Variants in TMEM131 observed in about 807,000 individuals in gnomAD.
The protein encoded by TMEM131 is transmembrane protein 131.
Under a neutral mutation model 211.6 loss-of-function variants are expected in TMEM131, and 66 were observed. The ratio of observed to expected loss-of-function variants is 0.31; its 90% CI spans 0.26 to 0.38. TMEM131 has a LOEUF of 0.38. Among genes scored for constraint, TMEM131 ranks in the 10% least tolerant of loss-of-function variants. TMEM131 has a pLI of 1.00. For synonymous variants in TMEM131, 844 were observed against 841.3 expected, an observed-to-expected ratio of 1.00 and a Z score of -0.06; for missense variants, 2,036 against 2,299.3, an observed-to-expected ratio of 0.89 and a Z score of 2.34.
At chr2:97,858,924 C>A (rs1232095165) in intron 5 of TMEM131, among the ~76,000 whole-genome samples, 1 of 152,210 alleles carries the variant, frequency 6.6e-6, no homozygotes, top group Non-Finnish European at 1.5e-5. Flanking sequence ...ACCCAGTGTG[C>A]TTACAGTTTA....
Position 97,809,779 on chromosome 2 carries a change from G to A in TMEM131, c.1969-5C>T, listed in dbSNP as rs1326357286. ...CTTCACAGGGATTGTCAGGATCTGT[G>A]AAGTCAAGAAGATGATGATAGATAA... is the stretch of plus-strand genomic sequence containing the variant. On this transcript the variant is annotated splice_polypyrimidine_tract_variant and splice_region_variant and intron_variant, in intron 18 of 40. Transcript: ENST00000186436. The A allele has an allele frequency of 6.3e-7, 1 of 1,592,090 alleles. No homozygotes were observed. Among genetic ancestry groups the A allele is most frequent in the South Asian group, 1.1e-5 (1 of 87,426 alleles).
intron 7 of TMEM131, among the ~76,000 whole-genome samples, chr2:97,838,420 CTTAAACT>C (rs1683031867): frequency 1.5e-5 from 2 of 134,384 alleles, no homozygotes; most frequent in African/African-American, 5.8e-5. Context: ...AATTCTTAAG[CTTAAACT>C]TTTTTTTTTT....
chr2:97,795,127 T>C lies in TMEM131; in HGVS notation c.3201-12A>G, dbSNP rs918980568. 4 of 1,603,520 alleles carry C rather than the reference T, an allele frequency of 2.5e-6. No homozygotes were observed. The highest frequency in any genetic ancestry group is 2.7e-5 in the African/African-American group (2 of 74,648). Reference sequence around the variant, plus strand: ...AATCAGGAGTAAACCTAAAACAGAATGATGGTAGTAAGGCTAAGTTTTAAA... The same window carrying C: ...AATCAGGAGTAAACCTAAAACAGAACGATGGTAGTAAGGCTAAGTTTTAAA... On this transcript the variant is annotated splice_polypyrimidine_tract_variant and intron_variant, in intron 28 of 40. Transcript: ENST00000186436.
intron 4 of TMEM131, among the ~76,000 whole-genome samples, chr2:97,867,604 G>A (rs1391046055): frequency 6.6e-6 from 1 of 152,164 alleles, no homozygotes; most frequent in African/African-American, 2.4e-5. Context: ...TACTAGTGAG[G>A]TGAGCAAGAT....
chr2:97,842,028 TC>T, intron 6 of TMEM131, 91 bp from the exon 7 acceptor site: 1 of 1,177,976 alleles, frequency 8.5e-7, no homozygotes, highest in East Asian at 2.9e-5. Context: ...GACTGGCAAA[TC>T]TAATTTATGT....
Position 97,796,320 on chromosome 2 carries a change from G to A in TMEM131, c.3098C>T (p.Thr1033Ile), listed in dbSNP as rs1433349946. The A allele has an allele frequency of 1.0e-5, 16 of 1,554,680 alleles. No individual in the cohort carries two copies. The highest frequency in any genetic ancestry group is 1.3e-5 in the Non-Finnish European group (15 of 1,150,518). Residue 1033 changes from threonine (T) to isoleucine (I), a missense_variant, in exon 28 of 41, where the codon ACC becomes ATC. Thr to Ile is a moderately conservative substitution (Grantham distance 89, BLOSUM62 -1). Around this residue, in one of 3 missense-constraint regions of TMEM131, gnomAD observed 1,623 missense variants for 1,805.9 expected, o/e 0.90. Coordinates refer to ENST00000186436, the MANE Select transcript of TMEM131 (RefSeq NM_015348.2). ...NTGQLQIHIE[T>I]IEISGYSCEG... The stretch of plus-strand genomic sequence containing the variant: ...ACATGAGTATCCACTGATTTCAATG[G>A]TTTCTATGTGAATTTGAAGTTGTCC...
intron 1 of TMEM131, among the ~76,000 whole-genome samples, chr2:97,943,021 GAAAAGAAAAGAAAAGA>G (rs1276878347): frequency 0.043 from 1,656 of 38,338 alleles, 28 homozygotes; most frequent in African/African-American, 0.057. Context: ...GAAAAGAAAA[GAAAAGAAAAGAAAAGA>G]AAAGAAAGAA....
intron 25 of TMEM131, among the ~76,000 whole-genome samples, chr2:97,797,998 G>A (rs900974998): frequency 2.0e-5 from 3 of 152,186 alleles, no homozygotes; most frequent in Non-Finnish European, 2.9e-5. Context: ...CCACTGCCAC[G>A]CCACTCCTCC....
chr2:97,866,168 G>A (rs1025260275), intron 4 of TMEM131, among the ~76,000 whole-genome samples: 5 of 152,246 alleles, frequency 3.3e-5, no homozygotes, highest in Middle Eastern at 3.4e-3. Flanking sequence ...GGCGTGAGCC[G>A]CCGTGCCCAG....
At chr2:97,903,017 A>G (rs1011140424) in intron 3 of TMEM131, among the ~76,000 whole-genome samples, 7 of 152,160 alleles carry the variant, frequency 4.6e-5, no homozygotes, top group Admixed American at 3.3e-4. Context: ...ATTCCCCTTT[A>G]TATATTTATC....
At chr2:97,821,510 T>A (rs113441582) in intron 11 of TMEM131, among the ~76,000 whole-genome samples, 3,166 of 152,220 alleles carry the variant, frequency 0.021, 123 homozygotes, top group African/African-American at 0.073. Flanking sequence ...GCTGCTCACT[T>A]TTTGGGTCTG....
rs550208518 is a variant in TMEM131 at position 97,942,856 on chromosome 2, G to A, written c.188-15369C>T. ...GGACAAAAAACAGGCTGGGCATGGG[G>A]AACGGCTGTAATCCCAGCACTTTAG... On this transcript the variant is annotated intron_variant, in intron 1 of 40. Transcript: ENST00000186436. Among the ~76,000 whole-genome samples, 12 of 151,676 alleles carry A rather than the reference G, an allele frequency of 7.9e-5. No homozygotes were observed. The South Asian group carries it at 2.5e-3, about 32-fold the overall frequency.
intron 1 of TMEM131, among the ~76,000 whole-genome samples, chr2:97,974,110 T>C (rs1679420659): frequency 1.3e-5 from 2 of 152,182 alleles, no homozygotes; most frequent in Admixed American, 1.3e-4. Context: ...ATTATAAATG[T>C]GTTCCATATG....
At chr2:97,775,791 CAGG>C (rs1479676845) in intron 32 of TMEM131, 49 bp downstream of exon 32, 2 of 1,561,654 alleles carry the variant, frequency 1.3e-6, no homozygotes, top group Non-Finnish European at 1.7e-6. Flanking sequence ...TTGTGAGCTG[CAGG>C]AGACCTCTCT....
chr2:97,917,712 C>A (rs1676565638), intron 2 of TMEM131, among the ~76,000 whole-genome samples: 1 of 152,144 alleles, frequency 6.6e-6, no homozygotes, highest in Non-Finnish European at 1.5e-5. Flanking sequence ...ATAAAACCAC[C>A]AGATCTCATG....
chr2:97,815,436 T>C lies in TMEM131; in HGVS notation c.1184-129A>G. The C allele has an allele frequency of 5.8e-6, 3 of 520,722 alleles. No individual in the cohort carries two copies. The Admixed American group carries it at 1.2e-4, about 21-fold the overall frequency. The allele number at this position is 520,722 out of a possible 1,614,324, so 32.3% of individuals were successfully genotyped here. On this transcript the variant is annotated intron_variant, in intron 12 of 40. Transcript: ENST00000186436. ...TTCCAAATTGGCCAACAGAACACTT[T>C]TTATAACATTTTAAATGAAACATCA...
At chr2:97,761,049 A>T (rs2044458) in intron 36 of TMEM131, 135 bp from the exon 37 acceptor site, 424,300 of 1,168,662 alleles carry the variant, frequency 0.36, 81,923 homozygotes, top group Non-Finnish European at 0.39. Context: ...GCTCAGCCTC[A>T]TGTCACATGC....
rs1680478047 is a variant in TMEM131 at position 97,995,665 on chromosome 2, CTGCCGGCCGGGGGCCGCCGCGCTCGAG to C, written c.-30_-4del. 2 of 1,206,392 alleles carry C rather than the reference CTGCCGGCCGGGGGCCGCCGCGCTCGAG, an allele frequency of 1.7e-6. No homozygotes were observed. The highest frequency in any genetic ancestry group is 2.1e-6 in the Non-Finnish European group (2 of 971,238). 74.7% of individuals were successfully genotyped at this position (1,206,392 alleles called of 1,614,324 possible). On this transcript the variant is annotated 5_prime_UTR_variant, in exon 1 of 41. Transcript: ENST00000186436. ...CCTCCTCCCGCCCGCTTCCCCATCC[CTGCCGGCCGGGGGCCGCCGCGCTCGAG>C]GTCCGGCGCGGCCCTTCTCGGCGAG...
chr2:97,834,774 C>T lies in TMEM131; in HGVS notation c.955+1G>A. ...TTCGATTTCATCAGTTTTCCACTAA[C>T]CTGTTGTAACTTCAACCTCAACAGG... On this transcript the variant is annotated splice_donor_variant, in intron 9 of 40. Transcript: ENST00000186436. LOFTEE classifies it high-confidence loss of function. 1 of 1,613,066 alleles carries T rather than the reference C, an allele frequency of 6.2e-7. No individual in the cohort carries two copies. The highest frequency in any genetic ancestry group is 8.5e-7 in the Non-Finnish European group (1 of 1,179,538).
Sources: gnomAD v4.1 joint callset for allele counts (sites outside exome capture counted in the v4.1 genomes callset) on GRCh38, gnomAD v4.1.1 for gene constraint, gnomAD v4.1.1 regional missense constraint, MANE v1.5 for transcripts, NCBI Gene and HGNC (gene_info 2026-07-23, HGNC 2026-07-21) for gene names.